The following RTN1 variants were observed in gnomAD, a reference collection of about 807,000 sequenced individuals.
The protein encoded by RTN1 is reticulon 1.
In RTN1, 25 loss-of-function variants were observed where a neutral mutation model predicts 65.5. The ratio of observed to expected loss-of-function variants is 0.38; its 90% CI spans 0.28 to 0.53. RTN1 has a LOEUF of 0.53. Ranked by LOEUF, RTN1 falls within the 20% of genes least tolerant of loss-of-function variation. The probability of loss-of-function intolerance (pLI) is 0.79; values close to 1 mark genes in which losing one functional copy is unlikely to be tolerated. For missense variants in RTN1, 983 were observed against 1,025.4 expected (o/e 0.96, Z 0.57); for synonymous variants, 471 against 447.6 (o/e 1.05, Z -0.66).
chr14:59,633,559 C>T (rs1001576347), intron 3 of RTN1, among the ~76,000 whole-genome samples: 3 of 152,126 alleles, frequency 2.0e-5, no homozygotes, highest in African/African-American at 4.8e-5. Context: ...AAGATCAAAA[C>T]GATAAAATGG....
chr14:59,715,747 A>G (rs10131168), intron 3 of RTN1, among the ~76,000 whole-genome samples: 60,197 of 150,990 alleles, frequency 0.4, 12,371 homozygotes, highest in Admixed American at 0.5. Flanking sequence ...AATTGCTTGA[A>G]CCTGGGTGGT....
intron 2 of RTN1, among the ~76,000 whole-genome samples, chr14:59,740,902 C>T (rs1885102612): frequency 6.6e-6 from 1 of 152,090 alleles, no homozygotes; most frequent in Non-Finnish European, 1.5e-5. Flanking sequence ...CACCTAAAAT[C>T]ATCAGATAAA....
chr14:59,686,685 A>T (rs752966024), intron 3 of RTN1, among the ~76,000 whole-genome samples: 15 of 152,238 alleles, frequency 9.9e-5, no homozygotes, highest in Non-Finnish European at 1.6e-4. Flanking sequence ...AGAGGAGCAG[A>T]GAGCCTCCTC....
intron 3 of RTN1, among the ~76,000 whole-genome samples, chr14:59,666,654 G>T (rs1323992826): frequency 6.6e-6 from 1 of 152,040 alleles, no homozygotes; most frequent in Non-Finnish European, 1.5e-5. Context: ...GAATCCAGGA[G>T]ATGGTTTTTT....
At chr14:59,772,617 C>A (rs1379198358) in intron 1 of RTN1, among the ~76,000 whole-genome samples, 1 of 151,790 alleles carries the variant, frequency 6.6e-6, no homozygotes, top group Non-Finnish European at 1.5e-5. Flanking sequence ...GATGCTAAAT[C>A]ATAAAACTAT....
At position 59,766,928 on chromosome 14, in the gene RTN1, C is replaced by G. The variant is rs140118897; in HGVS notation, c.242-20447G>C. Reference sequence around the variant, plus strand: ...TCCACCCATCCCAGTATATCGGGCACTGAGCACCTACTATGTGGTAGGTAC... The same window carrying G: ...TCCACCCATCCCAGTATATCGGGCAGTGAGCACCTACTATGTGGTAGGTAC... On this transcript the variant is annotated intron_variant, in intron 1 of 8. Coordinates refer to ENST00000267484, the MANE Select transcript of RTN1 (RefSeq NM_021136.3). The surrounding 1 kb of genome is among the most constrained non-coding windows in gnomAD (Gnocchi z 4.4). 5.9e-5 allele frequency among the ~76,000 whole-genome samples: 9 copies of G among 152,308 alleles called. No homozygotes were observed. Among genetic ancestry groups the G allele is most frequent in the Admixed American group, 5.9e-4 (9 of 15,298 alleles).
chr14:59,646,241 G>A (rs111321087), intron 3 of RTN1, among the ~76,000 whole-genome samples: 2,325 of 152,182 alleles, frequency 0.015, 56 homozygotes, highest in African/African-American at 0.052. Flanking sequence ...TTTTAAACAC[G>A]ACAGTCATAT....
At chr14:59,768,476 C>G (rs1885891405) in intron 1 of RTN1, among the ~76,000 whole-genome samples, 2 of 152,158 alleles carry the variant, frequency 1.3e-5, no homozygotes, top group African/African-American at 4.8e-5. Context: ...GGGTGTGACT[C>G]TACTCCTAGA....
At chr14:59,657,511 G>A (rs976097024) in intron 3 of RTN1, among the ~76,000 whole-genome samples, 7 of 152,194 alleles carry the variant, frequency 4.6e-5, no homozygotes, top group African/African-American at 1.4e-4. Flanking sequence ...AACACAGAAG[G>A]TGGGTGATTT....
chr14:59,868,477 G>A lies in RTN1; in HGVS notation c.241+1913C>T, dbSNP rs1159916487. Among the ~76,000 whole-genome samples, 8 of 152,102 alleles carry A rather than the reference G, an allele frequency of 5.3e-5. No individual in the cohort carries two copies. The highest frequency in any genetic ancestry group is 1.2e-4 in the Non-Finnish European group (8 of 68,020). On this transcript the variant is annotated intron_variant, in intron 1 of 8. Coordinates refer to ENST00000267484, the MANE Select transcript of RTN1 (RefSeq NM_021136.3). The surrounding 1 kb of genome is among the most constrained non-coding windows in gnomAD (Gnocchi z 4.0). ...TAATACTAAAAATGCAAAATGCATTGTTATTTACTACAGCCACCTTTCTGT... is the reference window on the plus strand; with the variant it reads ...TAATACTAAAAATGCAAAATGCATTATTATTTACTACAGCCACCTTTCTGT...
At chr14:59,850,658 G>A (rs915314748) in intron 1 of RTN1, among the ~76,000 whole-genome samples, 3 of 152,194 alleles carry the variant, frequency 2.0e-5, no homozygotes, top group South Asian at 2.1e-4. Flanking sequence ...AATAAATGAC[G>A]TCAGTGTTCC....
chr14:59,606,125 T>TATATATATATATATATATAA (rs1345665820), intron 4 of RTN1: 28 of 111,464 alleles, frequency 2.5e-4, no homozygotes, highest in African/African-American at 1.0e-3. Context: ...TATATATATA[T>TATATATATATATATATATAA]ATCATACCAG....
Position 59,868,006 on chromosome 14 carries a change from T to C in RTN1, c.241+2384A>G, listed in dbSNP as rs1887827798. ...GTTTATAAGCCAAAAAAAAGTAAAT[T>C]AAGAAATACAGTGTAAAGTAGTGTG... On this transcript the variant is annotated intron_variant, in intron 1 of 8. Coordinates refer to ENST00000267484, the MANE Select transcript of RTN1 (RefSeq NM_021136.3). This position sits in a 1 kb window ranked among gnomAD's most constrained non-coding sequence, Gnocchi z 4.0. 2.0e-5 allele frequency among the ~76,000 whole-genome samples: 3 copies of C among 152,166 alleles called. No homozygotes were observed. In the South Asian group the frequency reaches 6.2e-4, roughly 32 times the overall value.
chr14:59,791,414 G>T (rs1452175972), intron 1 of RTN1, among the ~76,000 whole-genome samples: 1 of 152,188 alleles, frequency 6.6e-6, no homozygotes. Context: ...ACGGGTGGCA[G>T]AGACCTGCAT....
At position 59,596,295 on chromosome 14, in the gene RTN1, C is replaced by G. The variant is rs138252102; in HGVS notation, c.*450G>C. 3.9e-5 allele frequency: 6 copies of G among 153,514 alleles called. 1 individual carries two copies. Among genetic ancestry groups the G allele is most frequent in the African/African-American group, 1.4e-4 (6 of 41,566 alleles). 9.5% of individuals were successfully genotyped at this position (153,514 alleles called of 1,614,324 possible). A position where few individuals can be genotyped will look rare whatever the true frequency, so the allele number is the denominator to read the frequency against. ...GTTGGAAAAATGCTAAAACATCAGT[C>G]TACAATTCTATATATTGTTATTAAA... On this transcript the variant is annotated 3_prime_UTR_variant, in exon 9 of 9. Coordinates refer to ENST00000267484, the MANE Select transcript of RTN1 (RefSeq NM_021136.3).
chr14:59,637,913 G>A (rs554467405), intron 3 of RTN1, among the ~76,000 whole-genome samples: 121 of 151,570 alleles, frequency 8.0e-4, no homozygotes, highest in African/African-American at 2.6e-3. Flanking sequence ...GTGCAGTGGC[G>A]CGATCTCGGC....
At chr14:59,656,337 G>T (rs1354640155) in intron 3 of RTN1, among the ~76,000 whole-genome samples, 1 of 152,046 alleles carries the variant, frequency 6.6e-6, no homozygotes, top group Non-Finnish European at 1.5e-5. Flanking sequence ...CTTTTAAAAG[G>T]GTATGTTTTA....
At position 59,846,791 on chromosome 14, in the gene RTN1, T is replaced by G. The variant is rs1887418981; in HGVS notation, c.241+23599A>C. 6.6e-6 allele frequency among the ~76,000 whole-genome samples: 1 copy of G among 150,516 alleles called. No homozygotes were observed. Among genetic ancestry groups the G allele is most frequent in the Non-Finnish European group, 1.5e-5 (1 of 68,020 alleles). ...TCGTAGCCAGGTGTCCGCATACCTG[T>G]TTGAGATGCACAGTCTGTCCAACTC... On this transcript the variant is annotated intron_variant, in intron 1 of 8. Coordinates refer to ENST00000267484, the MANE Select transcript of RTN1 (RefSeq NM_021136.3). The surrounding 1 kb of genome is among the most constrained non-coding windows in gnomAD (Gnocchi z 4.8).
At chr14:59,619,519 A>G (rs75986547) in intron 3 of RTN1, among the ~76,000 whole-genome samples, 11,806 of 152,284 alleles carry the variant, frequency 0.078, 567 homozygotes, top group Non-Finnish European at 0.12. Context: ...GAATATGTAC[A>G]GTAGGCCATT....
Sources: allele counts gnomAD v4.1 joint callset (sites outside exome capture counted in the v4.1 genomes callset), GRCh38; gene constraint gnomAD v4.1.1; non-coding constraint Gnocchi (gnomAD v3.1); transcripts MANE v1.5; gene names NCBI Gene and HGNC (gene_info 2026-07-23, HGNC 2026-07-21).